Variants in ANXA8 observed in about 807,000 individuals in gnomAD.
ANXA8 encodes the protein annexin A8.
A neutral mutation model predicts 26.8 loss-of-function variants in ANXA8; 9 were observed. The observed-to-expected ratio is 0.34, with a 90% CI of 0.20 to 0.59. ANXA8 has a LOEUF of 0.59. Ranked by LOEUF, ANXA8 falls within the 20% of genes least tolerant of loss-of-function variation. The probability of loss-of-function intolerance (pLI) is 0.84; values close to 1 mark genes in which losing one functional copy is unlikely to be tolerated. For synonymous variants in ANXA8, 39 were observed against 94.8 expected, an observed-to-expected ratio of 0.41 and a Z score of 3.42; for missense variants, 83 against 238.5, an observed-to-expected ratio of 0.35 and a Z score of 4.29.
At chr10:47,740,355 TA>T in the ANXA8 span, among the ~76,000 whole-genome samples, 16 of 145,832 alleles carry the variant, frequency 1.1e-4, no homozygotes, top group African/African-American at 4.1e-4. Context: ...TCTTGGAATT[TA>T]AAAAAAAATT....
the ANXA8 span, among the ~76,000 whole-genome samples, chr10:47,548,526 C>T: frequency 6.6e-6 from 1 of 152,208 alleles, no homozygotes; most frequent in African/African-American, 2.4e-5. Context: ...GTCTCGAACT[C>T]CCGACCTCAG....
the ANXA8 span, among the ~76,000 whole-genome samples, chr10:47,659,676 CAA>C: frequency 3.9e-4 from 31 of 80,478 alleles, no homozygotes; most frequent in Admixed American, 6.3e-4. Context: ...AACTCTGTCT[CAA>C]AAAAAAAAAA....
the ANXA8 span, among the ~76,000 whole-genome samples, chr10:47,669,030 A>G: frequency 6.6e-6 from 1 of 151,814 alleles, no homozygotes; most frequent in Non-Finnish European, 1.5e-5. Context: ...TTCAGTATTC[A>G]GTACATATGT....
chr10:47,733,221 CT>C, the ANXA8 span, among the ~76,000 whole-genome samples: 10 of 58,256 alleles, frequency 1.7e-4, no homozygotes, highest in African/African-American at 5.8e-4. Context: ...TTCTTTCTTT[CT>C]CTTTCTTTCT....
chr10:47,733,243 CTT>C, the ANXA8 span, among the ~76,000 whole-genome samples: 92 of 77,650 alleles, frequency 1.2e-3, 2 homozygotes, highest in African/African-American at 3.9e-3. Flanking sequence ...CTCTTTCTTT[CTT>C]TCTTTCTTTC....
chr10:47,727,266 A>G, the ANXA8 span, among the ~76,000 whole-genome samples: 1 of 152,298 alleles, frequency 6.6e-6, no homozygotes, highest in Admixed American at 6.5e-5. Flanking sequence ...CATAATATAT[A>G]TGAAGATAGT....
the ANXA8 span, among the ~76,000 whole-genome samples, chr10:47,720,490 T>A: frequency 6.8e-6 from 1 of 147,034 alleles, no homozygotes; most frequent in Non-Finnish European, 1.5e-5. Context: ...ACCTTAGAAA[T>A]TAAAGCCAGC....
At chr10:47,975,637 A>G in the ANXA8 span, among the ~76,000 whole-genome samples, 1 of 151,230 alleles carries the variant, frequency 6.6e-6, no homozygotes, top group African/African-American at 2.4e-5. Context: ...GCAAATGAAG[A>G]TAATACCCAC....
the ANXA8 span, among the ~76,000 whole-genome samples, chr10:47,737,478 C>A: frequency 1.3e-4 from 20 of 151,652 alleles, no homozygotes; most frequent in Admixed American, 7.3e-4. Flanking sequence ...AATTATTATT[C>A]CTGCTAGCAT....
chr10:47,510,399 A>C, the ANXA8 span: 1 of 1,384,414 alleles, frequency 7.2e-7, no homozygotes, highest in Non-Finnish European at 9.6e-7. Flanking sequence ...TATCATGTGC[A>C]ATCTATAGAA....
At chr10:47,585,851 A>G in the ANXA8 span, among the ~76,000 whole-genome samples, 2 of 87,522 alleles carry the variant, frequency 2.3e-5, no homozygotes, top group East Asian at 5.1e-4. Context: ...TCCCTTTTTA[A>G]ATAACTGAGA....
chr10:47,533,223 A>AC, the ANXA8 span, among the ~76,000 whole-genome samples: 2 of 139,086 alleles, frequency 1.4e-5, no homozygotes, highest in African/African-American at 2.8e-5. Context: ...ACACACACAC[A>AC]CCCCCGCAGA....
the ANXA8 span, among the ~76,000 whole-genome samples, chr10:47,626,754 A>G: frequency 6.7e-5 from 10 of 150,342 alleles, no homozygotes; most frequent in African/African-American, 2.0e-4. Context: ...TAATTGTCTT[A>G]TCTATTGTCT....
At chr10:47,710,244 G>A in the ANXA8 span, 9 of 1,517,096 alleles carry the variant, frequency 5.9e-6, no homozygotes, top group African/African-American at 7.6e-5. Flanking sequence ...TAGTGACGTT[G>A]TACTTCAAGA....
the ANXA8 span, chr10:47,502,778 T>A: frequency 4.5e-6 from 7 of 1,570,858 alleles, 2 homozygotes; most frequent in Non-Finnish European, 6.1e-6. Flanking sequence ...CTTTTACTGC[T>A]CTTGCATGAC....
the ANXA8 span, among the ~76,000 whole-genome samples, chr10:47,702,683 G>C: frequency 1.3e-5 from 2 of 151,724 alleles, no homozygotes; most frequent in Non-Finnish European, 2.9e-5. Flanking sequence ...GCCCAGGCTA[G>C]AGTACAGTGG....
At chr10:47,711,666 G>T in the ANXA8 span, among the ~76,000 whole-genome samples, 1 of 142,174 alleles carries the variant, frequency 7.0e-6, no homozygotes, top group East Asian at 2.0e-4. Flanking sequence ...CCATAGCCTG[G>T]CTGAGAACAT....
At chr10:47,581,752 G>T in the ANXA8 span, among the ~76,000 whole-genome samples, 1 of 147,502 alleles carries the variant, frequency 6.8e-6, no homozygotes, top group African/African-American at 2.5e-5. Context: ...AACTACAGGC[G>T]CCTGCCACCA....
the ANXA8 span, among the ~76,000 whole-genome samples, chr10:47,945,430 T>A: frequency 1.7e-3 from 259 of 150,910 alleles, 8 homozygotes; most frequent in African/African-American, 6.0e-3. Flanking sequence ...TTGTCTTCAC[T>A]GGGTAAGGGT....
Sources: gnomAD v4.1 joint callset for allele counts (sites outside exome capture counted in the v4.1 genomes callset) on GRCh38, gnomAD v4.1.1 for gene constraint, MANE v1.5 for transcripts, NCBI Gene and HGNC (gene_info 2026-07-23, HGNC 2026-07-21) for gene names.